Variants in ETFDH observed in about 807,000 individuals in gnomAD.
The protein encoded by ETFDH is electron transfer flavoprotein-ubiquinone oxidoreductase, mitochondrial.
Under a neutral mutation model 73.2 loss-of-function variants are expected in ETFDH, and 61 were observed. The observed-to-expected ratio is 0.83, with a 90% confidence interval of 0.68 to 1.03. The LOEUF (loss-of-function observed/expected upper bound fraction) is 1.03. Ranked by LOEUF, ETFDH falls within the 50% of genes least tolerant of loss-of-function variation. The pLI, the probability that ETFDH is intolerant of heterozygous loss-of-function variation, is 0.00. For synonymous variants in ETFDH, 243 were observed against 253.3 expected, an observed-to-expected ratio of 0.96 and a Z score of 0.39; for missense variants, 685 against 745.0, an observed-to-expected ratio of 0.92 and a Z score of 0.94.
chr4:158,690,505 A>G, intron 6 of ETFDH, 80 bp downstream of exon 6: 1 of 894,110 alleles, frequency 1.1e-6, no homozygotes, highest in Non-Finnish European at 1.9e-6. Context: ...GTGAAACCCC[A>G]TCTCTCCAAA....
At chr4:158,707,902 A>G (rs1774673848) in intron 12 of ETFDH, among the ~76,000 whole-genome samples, 1 of 152,230 alleles carries the variant, frequency 6.6e-6, no homozygotes, top group Non-Finnish European at 1.5e-5. Flanking sequence ...GAACTGTAGA[A>G]GTTATGGCCA....
chr4:158,680,944 A>G (rs925014782), intron 2 of ETFDH, among the ~76,000 whole-genome samples: 1 of 152,236 alleles, frequency 6.6e-6, no homozygotes, highest in South Asian at 2.1e-4. Flanking sequence ...AAAGTCTACC[A>G]TATACAATTA....
At chr4:158,686,841 C>A (rs1323593512) in intron 5 of ETFDH, among the ~76,000 whole-genome samples, 1 of 152,154 alleles carries the variant, frequency 6.6e-6, no homozygotes, top group East Asian at 1.9e-4. Context: ...ACTTCCCCCT[C>A]ACCCTCTGAA....
intron 10 of ETFDH, among the ~76,000 whole-genome samples, chr4:158,705,090 A>G (rs1774571699): frequency 6.6e-6 from 1 of 152,224 alleles, no homozygotes; most frequent in Admixed American, 6.5e-5. Flanking sequence ...CCAGAACAGG[A>G]AACAATGACT....
chr4:158,688,982 A>G (rs1347503408), intron 5 of ETFDH, among the ~76,000 whole-genome samples: 1 of 152,184 alleles, frequency 6.6e-6, no homozygotes, highest in Non-Finnish European at 1.5e-5. Flanking sequence ...TCCCATAGAC[A>G]CAGGAAGACA....
At chr4:158,695,790 A>G (rs1774294649) in intron 7 of ETFDH, 147 bp downstream of exon 7, 1 of 663,378 alleles carries the variant, frequency 1.5e-6, no homozygotes, top group Admixed American at 2.6e-5. Flanking sequence ...CTTATTTGCG[A>G]TATTTTTCAA....
At chr4:158,688,407 A>AG (rs1418119957) in intron 5 of ETFDH, among the ~76,000 whole-genome samples, 8 of 108,524 alleles carry the variant, frequency 7.4e-5, no homozygotes, top group African/African-American at 2.2e-4. Flanking sequence ...AAAAAAAAAA[A>AG]GGGCACAGTG....
At chr4:158,707,874 G>A (rs756313374) in intron 12 of ETFDH, among the ~76,000 whole-genome samples, 3 of 152,202 alleles carry the variant, frequency 2.0e-5, no homozygotes, top group Admixed American at 6.5e-5. Flanking sequence ...AAATTTGTGC[G>A]TTTTGCTGTT....
chr4:158,697,760 T>C (rs1371573720), intron 8 of ETFDH, 61 bp downstream of exon 8: 2 of 1,464,096 alleles, frequency 1.4e-6, no homozygotes, highest in African/African-American at 1.4e-5. Context: ...ATCAGTGTTA[T>C]AAAATAAGGG....
intron 3 of ETFDH, 38 bp downstream of exon 3, chr4:158,682,462 T>G: frequency 6.8e-7 from 1 of 1,469,024 alleles, no homozygotes; most frequent in Admixed American, 1.7e-5. Context: ...TCTAATCTTT[T>G]GTAATTGTAT....
Position 158,706,704 on chromosome 4 carries a change from G to A in ETFDH, c.1544G>A (p.Ser515Asn), listed in dbSNP as rs769192948. The A allele has an allele frequency of 6.2e-7, 1 of 1,614,160 alleles. No homozygotes were observed. Among genetic ancestry groups the A allele is most frequent in the Non-Finnish European group, 8.5e-7 (1 of 1,180,014 alleles). Residue 515 changes from serine (S) to asparagine (N), a missense_variant, in exon 12 of 13, where the codon AGT (serine) becomes AAT (asparagine). By Grantham distance (46) the Ser-to-Asn change is conservative. Coordinates refer to ENST00000511912, the MANE Select transcript of ETFDH (RefSeq NM_004453.4). Reference protein sequence around the residue: ...IEYPKPDGQISFDLLSSVALS... With the variant: ...IEYPKPDGQINFDLLSSVALS... ...TATCCAAAACCCGATGGACAGATCAGTTTTGACCTCTTGTCATCTGTGGCT... is the reference window on the plus strand; with the variant it reads ...TATCCAAAACCCGATGGACAGATCAATTTTGACCTCTTGTCATCTGTGGCT...
intron 1 of ETFDH, among the ~76,000 whole-genome samples, chr4:158,674,793 C>T (rs1773672555): frequency 6.6e-5 from 10 of 152,158 alleles, no homozygotes; most frequent in Admixed American, 6.5e-4. Flanking sequence ...TAGGTTTTCA[C>T]GTACAACAAG....
rs375086504 is a variant in ETFDH, at chr4:158,682,437, G to A, written c.405+13G>A. On this transcript the variant is annotated intron_variant, in intron 3 of 12. Coordinates refer to ENST00000511912, the MANE Select transcript of ETFDH (RefSeq NM_004453.4). Reference sequence around the variant, plus strand: ...GAAAGAGAAGGGGGTATGAAAAATTGTTTTTTATACAAAGTCTAATCTTTT... The same window carrying A: ...GAAAGAGAAGGGGGTATGAAAAATTATTTTTTATACAAAGTCTAATCTTTT... 67 of 1,596,302 alleles carry A rather than the reference G, an allele frequency of 4.2e-5. No homozygotes were observed. Among genetic ancestry groups the A allele is most frequent in the Non-Finnish European group, 5.2e-5 (60 of 1,164,502 alleles).
chr4:158,679,037 T>C (rs1176724427), intron 1 of ETFDH, among the ~76,000 whole-genome samples: 1 of 152,166 alleles, frequency 6.6e-6, no homozygotes, highest in African/African-American at 2.4e-5. Context: ...GAGTATACTT[T>C]TTTTCTGAAT....
At chr4:158,705,626 T>G (rs1417726669) in intron 10 of ETFDH, among the ~76,000 whole-genome samples, 1 of 152,246 alleles carries the variant, frequency 6.6e-6, no homozygotes, top group Non-Finnish European at 1.5e-5. Context: ...TCGGTTTCAC[T>G]AAAATTTGAA....
In ETFDH at chr4:158,672,311, TCGGCAGAGCGGGGAGGCGAACTG is replaced by T; in HGVS notation, c.-144_-122del. The T allele has an allele frequency of 1.2e-6, 1 of 831,098 alleles. No individual in the cohort carries two copies. The highest frequency in any genetic ancestry group is 2.1e-6 in the Non-Finnish European group (1 of 478,014). 51.5% of individuals were successfully genotyped at this position (831,098 alleles called of 1,614,324 possible). A position where few individuals can be genotyped will look rare whatever the true frequency, so the allele number is the denominator to read the frequency against. ...TGGGAACGCCGTGAAGCAAGAGCGG[TCGGCAGAGCGGGGAGGCGAACTG>T]CAGCAGAGTTCTTGCTTTCCGGCAG... On this transcript the variant is annotated 5_prime_UTR_variant, in exon 1 of 13. Transcript: ENST00000511912.
At chr4:158,704,054 G>A (rs1774540177) in intron 10 of ETFDH, among the ~76,000 whole-genome samples, 2 of 152,162 alleles carry the variant, frequency 1.3e-5, no homozygotes, top group African/African-American at 2.4e-5. Context: ...AGCTGAGATC[G>A]TGCCATTGCA....
chr4:158,685,262 CT>C (rs771537173), intron 5 of ETFDH, 43 bp downstream of exon 5: 7 of 1,029,770 alleles, frequency 6.8e-6, no homozygotes, highest in African/African-American at 6.3e-5. Context: ...TAGGAACTCT[CT>C]TTTTTTAATA....
intron 8 of ETFDH, among the ~76,000 whole-genome samples, 186 bp from the exon 9 acceptor site, chr4:158,698,801 C>G (rs943109268): frequency 6.6e-6 from 1 of 152,052 alleles, no homozygotes; most frequent in Admixed American, 6.6e-5. Context: ...TTTTCTTTAC[C>G]TTTTCTTTTC....
Sources: allele counts gnomAD v4.1 joint callset (sites outside exome capture counted in the v4.1 genomes callset), GRCh38; gene constraint gnomAD v4.1.1; transcripts MANE v1.5; gene names NCBI Gene and HGNC (gene_info 2026-07-23, HGNC 2026-07-21).